WDR70: variants seen among roughly 807,000 people sequenced by gnomAD.
The protein encoded by WDR70 is WD repeat-containing protein 70.
Under a neutral mutation model 88.6 loss-of-function variants are expected in WDR70, and 53 were observed. The ratio of observed to expected loss-of-function variants is 0.60; its 90% CI spans 0.48 to 0.75. The LOEUF is 0.75. WDR70 is among the 30% of genes least tolerant of loss of function. WDR70 has a pLI of 0.00. For missense variants in WDR70, 610 were observed against 823.2 expected (o/e 0.74, Z 3.17); for synonymous variants, 280 against 270.0 (o/e 1.04, Z -0.36).
At chr5:37,581,069 G>T (rs908477329) in intron 9 of WDR70, among the ~76,000 whole-genome samples, 1 of 152,164 alleles carries the variant, frequency 6.6e-6, no homozygotes. Context: ...GACAAAATTG[G>T]AGACATATTC....
Position 37,639,265 on chromosome 5 carries a change from A to G in WDR70, c.1092+34027A>G, listed in dbSNP as rs1207774925. ...TCATGTGATTAAGACTCAGTGAAGC[A>G]GTTTTTGATTCTTTCCTGGTGGATA... On this transcript the variant is annotated intron_variant, in intron 10 of 17. Coordinates refer to ENST00000265107, the MANE Select transcript of WDR70 (RefSeq NM_018034.4). Among the ~76,000 whole-genome samples the G allele has an allele frequency of 2.0e-5, 3 of 152,210 alleles. No individual in the cohort carries two copies. In the East Asian group the frequency reaches 5.8e-4, roughly 29 times the overall value.
chr5:37,553,679 C>A (rs901469291), intron 9 of WDR70, among the ~76,000 whole-genome samples: 1 of 152,132 alleles, frequency 6.6e-6, no homozygotes, highest in Non-Finnish European at 1.5e-5. Context: ...ATTATTGTGT[C>A]TTTTCTCCAG....
Position 37,516,511 on chromosome 5 carries a change from A to G in WDR70, c.841-3A>G. On this transcript the variant is annotated splice_polypyrimidine_tract_variant and splice_region_variant and intron_variant, in intron 8 of 17. Transcript: ENST00000265107. ...TTTTTTCCCCTTTGTCTTTATTTTT[A>G]AGGGTCATACAGCAATGCTTCATAC... is the stretch of plus-strand genomic sequence containing the variant. 2 of 1,575,426 alleles carry G rather than the reference A, an allele frequency of 1.3e-6. No individual in the cohort carries two copies. Among genetic ancestry groups the G allele is most frequent in the Non-Finnish European group, 1.7e-6 (2 of 1,155,038 alleles).
chr5:37,393,904 A>T (rs974492429), intron 4 of WDR70, among the ~76,000 whole-genome samples: 1 of 151,092 alleles, frequency 6.6e-6, no homozygotes, highest in Non-Finnish European at 1.5e-5. Flanking sequence ...CTAGTCTTGA[A>T]CTCCTGAGCT....
chr5:37,471,049 A>C (rs1458307396), intron 7 of WDR70, among the ~76,000 whole-genome samples: 2 of 152,012 alleles, frequency 1.3e-5, no homozygotes, highest in Non-Finnish European at 2.9e-5. Flanking sequence ...ACGCATGGCT[A>C]ATTTTTGCAT....
chr5:37,392,810 A>T (rs187628704), intron 4 of WDR70, among the ~76,000 whole-genome samples: 119 of 149,848 alleles, frequency 7.9e-4, no homozygotes, highest in Non-Finnish European at 1.5e-3. Context: ...ATGCCCTGCT[A>T]ATTTTTTTTG....
intron 9 of WDR70, among the ~76,000 whole-genome samples, chr5:37,560,591 A>G (rs968441904): frequency 1.3e-5 from 2 of 152,182 alleles, no homozygotes; most frequent in African/African-American, 4.8e-5. Flanking sequence ...AATTCCTACC[A>G]TAATTTCTTC....
At chr5:37,401,054 A>C (rs759338975) in intron 5 of WDR70, among the ~76,000 whole-genome samples, 6 of 151,880 alleles carry the variant, frequency 4.0e-5, no homozygotes, top group Admixed American at 1.3e-4. Context: ...GCTGGAGTAC[A>C]GTGGTGTAAT....
intron 10 of WDR70, among the ~76,000 whole-genome samples, chr5:37,679,196 A>G (rs989398171): frequency 6.6e-6 from 1 of 152,152 alleles, no homozygotes; most frequent in African/African-American, 2.4e-5. Flanking sequence ...TGTAGCTCGT[A>G]GTAGTTTGAT....
At chr5:37,621,565 TG>T (rs1450558712) in intron 10 of WDR70, among the ~76,000 whole-genome samples, 4 of 152,210 alleles carry the variant, frequency 2.6e-5, no homozygotes, top group Non-Finnish European at 5.9e-5. Flanking sequence ...GCCCACTTTT[TG>T]TTGGGGTTGT....
intron 9 of WDR70, among the ~76,000 whole-genome samples, chr5:37,555,323 C>T (rs777308646): frequency 1.9e-4 from 29 of 152,122 alleles, no homozygotes; most frequent in Non-Finnish European, 3.1e-4. Flanking sequence ...TCCCCACTTC[C>T]AACACAACAT....
Position 37,687,940 on chromosome 5 carries a change from G to C in WDR70, c.1093-9715G>C, listed in dbSNP as rs756517994. 1.3e-5 allele frequency: 9 copies of C among 694,918 alleles called. No homozygotes were observed. In the South Asian group the frequency reaches 1.4e-4, roughly 11 times the overall value. 43.0% of individuals were successfully genotyped at this position (694,918 alleles called of 1,614,324 possible). On this transcript the variant is annotated intron_variant, in intron 10 of 17. Coordinates refer to ENST00000265107, the MANE Select transcript of WDR70 (RefSeq NM_018034.4). ...CAAGTTAAGACTGTCATATGGAACT[G>C]TCTGCATGCTCTGGGCTCACACTGA... is the stretch of plus-strand genomic sequence containing the variant.
chr5:37,466,126 C>T (rs1739142985), intron 7 of WDR70, among the ~76,000 whole-genome samples: 1 of 152,128 alleles, frequency 6.6e-6, no homozygotes, highest in Non-Finnish European at 1.5e-5. Flanking sequence ...CTTGAGTAGT[C>T]ATTTTTATAT....
At chr5:37,562,794 CAGA>C (rs1742556299) in intron 9 of WDR70, among the ~76,000 whole-genome samples, 1 of 152,066 alleles carries the variant, frequency 6.6e-6, no homozygotes, top group South Asian at 2.1e-4. Flanking sequence ...GATCCCAAGG[CAGA>C]AGAATTTTTC....
intron 3 of WDR70, among the ~76,000 whole-genome samples, chr5:37,387,396 G>A (rs1172773146): frequency 6.6e-6 from 1 of 152,042 alleles, no homozygotes; most frequent in African/African-American, 2.4e-5. Context: ...GAGGAACTTG[G>A]GGGGTTATTA....
At chr5:37,720,472 T>TAC (rs112384915) in intron 13 of WDR70, among the ~76,000 whole-genome samples, 29 of 152,320 alleles carry the variant, frequency 1.9e-4, no homozygotes, top group African/African-American at 6.7e-4. Context: ...TTATTTTCCT[T>TAC]ACCAGTAATG....
At chr5:37,707,246 G>A in intron 13 of WDR70, among the ~76,000 whole-genome samples, 1 of 152,118 alleles carries the variant, frequency 6.6e-6, no homozygotes, top group East Asian at 1.9e-4. Flanking sequence ...ACTTAAGCAT[G>A]GTTAATCAGG....
chr5:37,506,430 T>C lies in WDR70; in HGVS notation c.841-10084T>C, dbSNP rs574109060. The C allele has an allele frequency of 6.5e-5, 50 of 770,394 alleles. No homozygotes were observed. In the African/African-American group the frequency reaches 7.5e-4, roughly 11 times the overall value. 47.7% of individuals were successfully genotyped at this position (770,394 alleles called of 1,614,324 possible). ...GTAGTTCAAAGTGGGTTCAAAGTAC[T>C]CAGGACTTTGGTCAATTAAGAAGGC... On this transcript the variant is annotated intron_variant, in intron 8 of 17. Coordinates refer to ENST00000265107, the MANE Select transcript of WDR70 (RefSeq NM_018034.4).
intron 10 of WDR70, among the ~76,000 whole-genome samples, chr5:37,659,298 T>C (rs1745636273): frequency 1.3e-5 from 2 of 152,232 alleles, no homozygotes; most frequent in Non-Finnish European, 2.9e-5. Flanking sequence ...TTCTTTGTTA[T>C]TAACTATGGA....
Sources: allele counts gnomAD v4.1 joint callset (sites outside exome capture counted in the v4.1 genomes callset), GRCh38; gene constraint gnomAD v4.1.1; transcripts MANE v1.5; gene names NCBI Gene and HGNC (gene_info 2026-07-23, HGNC 2026-07-21).